Variants in COX7B2 observed in about 807,000 individuals in gnomAD.
The protein encoded by COX7B2 is cytochrome c oxidase subunit 7B2, mitochondrial.
For missense variants in COX7B2, 109 were observed against 95.9 expected (o/e 1.14, Z -0.57); for synonymous variants, 37 against 32.1 (o/e 1.15, Z -0.51).
chr4:46,899,899 T>A (rs1437346492), intron 1 of COX7B2, among the ~76,000 whole-genome samples: 1 of 152,158 alleles, frequency 6.6e-6, no homozygotes, highest in Non-Finnish European at 1.5e-5. Context: ...AGTCATGTAC[T>A]GGATATGTGG....
At chr4:46,882,146 G>A (rs190737694) in intron 1 of COX7B2, among the ~76,000 whole-genome samples, 1 of 152,088 alleles carries the variant, frequency 6.6e-6, no homozygotes, top group African/African-American at 2.4e-5. Flanking sequence ...TTATTGTACT[G>A]TGATCTGAGA....
intron 2 of COX7B2, among the ~76,000 whole-genome samples, chr4:46,765,814 T>A (rs1309774500): frequency 6.6e-6 from 1 of 151,854 alleles, no homozygotes; most frequent in Non-Finnish European, 1.5e-5. Flanking sequence ...CATATTAGCA[T>A]CAGGCCAGCC....
rs142195272 is a variant in COX7B2 at position 46,836,715 on chromosome 4, T to C, written c.-50+8245A>G. On this transcript the variant is annotated intron_variant, in intron 2 of 2. Transcript: ENST00000355591. Reference sequence around the variant, plus strand: ...ATGAACTGTATATAATGGTATGTGATAGATTTGTTATGACTGACAGTACAG... The same window carrying C: ...ATGAACTGTATATAATGGTATGTGACAGATTTGTTATGACTGACAGTACAG... Among the ~76,000 whole-genome samples, 734 of 152,262 alleles carry C rather than the reference T, an allele frequency of 4.8e-3. 4 individuals are homozygous for C. Among genetic ancestry groups the C allele is most frequent in the South Asian group, 0.013 (64 of 4,830 alleles).
intron 1 of COX7B2, among the ~76,000 whole-genome samples, chr4:46,864,034 G>T (rs1717495572): frequency 6.6e-6 from 1 of 152,070 alleles, no homozygotes; most frequent in Admixed American, 6.6e-5. Context: ...TTTAGGTCAC[G>T]TTCAAAAGGC....
At chr4:46,814,314 G>A (rs1291165186) in intron 2 of COX7B2, among the ~76,000 whole-genome samples, 4 of 152,216 alleles carry the variant, frequency 2.6e-5, no homozygotes, top group Non-Finnish European at 5.9e-5. Context: ...CACTGGAGAA[G>A]TGCTTTCTGC....
intron 2 of COX7B2, among the ~76,000 whole-genome samples, chr4:46,803,407 T>G (rs1275372602): frequency 6.6e-6 from 1 of 152,114 alleles, no homozygotes; most frequent in African/African-American, 2.4e-5. Context: ...TGTTGTATAT[T>G]CAAAATTTTG....
At position 46,735,815 on chromosome 4, in the gene COX7B2, T is replaced by C. The variant is rs1313897309; in HGVS notation, c.-49-574A>G. 3.9e-5 allele frequency among the ~76,000 whole-genome samples: 6 copies of C among 152,122 alleles called. No homozygotes were observed. In the East Asian group the frequency reaches 1.2e-3, roughly 29 times the overall value. On this transcript the variant is annotated intron_variant, in intron 2 of 2. Coordinates refer to ENST00000355591, the MANE Select transcript of COX7B2 (RefSeq NM_130902.3). ...CTGGGTTATCACACAATTTACAAACTTTTTTTCATAACACTTAACATTGAG... is the reference window on the plus strand; with the variant it reads ...CTGGGTTATCACACAATTTACAAACCTTTTTTCATAACACTTAACATTGAG...
intron 1 of COX7B2, among the ~76,000 whole-genome samples, chr4:46,907,717 A>T (rs907715536): frequency 8.6e-6 from 1 of 116,328 alleles, no homozygotes; most frequent in African/African-American, 3.2e-5. Flanking sequence ...ACTGTGAGAT[A>T]AAAAAAAAAA....
At chr4:46,809,811 C>A (rs992548113) in intron 2 of COX7B2, among the ~76,000 whole-genome samples, 3 of 151,886 alleles carry the variant, frequency 2.0e-5, no homozygotes, top group Non-Finnish European at 2.9e-5. Flanking sequence ...CTAATTAATT[C>A]TCTGGTTAAT....
chr4:46,785,745 G>A (rs1717723730), intron 2 of COX7B2, among the ~76,000 whole-genome samples: 1 of 152,154 alleles, frequency 6.6e-6, no homozygotes, highest in African/African-American at 2.4e-5. Flanking sequence ...GGGGACAGGA[G>A]ATCTTCACCT....
intron 1 of COX7B2, among the ~76,000 whole-genome samples, chr4:46,869,754 T>C (rs776066484): frequency 1.4e-4 from 21 of 152,152 alleles, no homozygotes; most frequent in Non-Finnish European, 2.8e-4. Flanking sequence ...GTTAGCCTGA[T>C]GGTGTTTTCT....
At chr4:46,833,030 C>T (rs962663374) in intron 2 of COX7B2, among the ~76,000 whole-genome samples, 4 of 152,026 alleles carry the variant, frequency 2.6e-5, no homozygotes, top group Admixed American at 1.3e-4. Context: ...TTCAGCCTCC[C>T]GAGTAGCTGG....
At chr4:46,895,978 AG>A (rs1719735174) in intron 1 of COX7B2, among the ~76,000 whole-genome samples, 1 of 152,164 alleles carries the variant, frequency 6.6e-6, no homozygotes, top group South Asian at 2.1e-4. Flanking sequence ...CTTGAGAATA[AG>A]TAAATTTGGA....
At chr4:46,844,725 C>G (rs1482375019) in intron 2 of COX7B2, among the ~76,000 whole-genome samples, 1 of 152,000 alleles carries the variant, frequency 6.6e-6, no homozygotes, top group Non-Finnish European at 1.5e-5. Flanking sequence ...ACATTTACTG[C>G]TGATAAAAAA....
chr4:46,755,079 A>G (rs1715697026), intron 2 of COX7B2, among the ~76,000 whole-genome samples: 1 of 151,774 alleles, frequency 6.6e-6, no homozygotes, highest in Admixed American at 6.6e-5. Flanking sequence ...ACATCAAAAA[A>G]TGATACACAA....
intron 2 of COX7B2, among the ~76,000 whole-genome samples, chr4:46,841,502 G>A (rs1189080456): frequency 2.0e-5 from 3 of 151,818 alleles, no homozygotes; most frequent in Non-Finnish European, 2.9e-5. Context: ...AGGTTAATTC[G>A]TGTTTGGGAT....
intron 1 of COX7B2, among the ~76,000 whole-genome samples, chr4:46,862,586 T>C (rs1203661333): frequency 1.3e-5 from 2 of 152,166 alleles, no homozygotes; most frequent in Non-Finnish European, 2.9e-5. Flanking sequence ...TGGATAAAAA[T>C]AGAAATGTCT....
At chr4:46,787,721 C>T (rs1717825184) in intron 2 of COX7B2, among the ~76,000 whole-genome samples, 1 of 152,188 alleles carries the variant, frequency 6.6e-6, no homozygotes, top group South Asian at 2.1e-4. Flanking sequence ...GACCTAGGCA[C>T]CTGCTCAGCA....
chr4:46,864,783 T>TA (rs1165543827), intron 1 of COX7B2, among the ~76,000 whole-genome samples: 1 of 152,124 alleles, frequency 6.6e-6, no homozygotes, highest in African/African-American at 2.4e-5. Context: ...TAGCTGGGAC[T>TA]ACAGGCGCCG....
Sources: gnomAD v4.1 joint callset for allele counts (sites outside exome capture counted in the v4.1 genomes callset) on GRCh38, gnomAD v4.1.1 for gene constraint, MANE v1.5 for transcripts, NCBI Gene and HGNC (gene_info 2026-07-23, HGNC 2026-07-21) for gene names.